Variants in ADGRF4 observed in about 807,000 individuals in gnomAD.
ADGRF4 encodes the protein adhesion G protein-coupled receptor F4.
ADGRF4 carries 63 observed loss-of-function variants against 58.5 expected under a neutral mutation model. The ratio of observed to expected loss-of-function variants is 1.08; its 90% CI spans 0.88 to 1.33. The LOEUF is 1.33. ADGRF4 is among the 40% of genes most tolerant of loss of function. The pLI is 0.00. For synonymous variants in ADGRF4, 313 were observed against 295.4 expected, an observed-to-expected ratio of 1.06 and a Z score of -0.61; for missense variants, 931 against 843.9, an observed-to-expected ratio of 1.10 and a Z score of -1.28.
At chr6:47,709,102 T>C (rs1477055106) in intron 3 of ADGRF4, among the ~76,000 whole-genome samples, 1 of 150,922 alleles carries the variant, frequency 6.6e-6, no homozygotes, top group Non-Finnish European at 1.5e-5. Context: ...CTTGGTTCCT[T>C]TTCCAGTGAA....
intron 1 of ADGRF4, among the ~76,000 whole-genome samples, chr6:47,704,140 C>T (rs1771651582): frequency 6.6e-6 from 1 of 151,828 alleles, no homozygotes; most frequent in African/African-American, 2.4e-5. Flanking sequence ...ACCTCCTCCT[C>T]CTGGGTTCAG....
intron 5 of ADGRF4, 34 bp from the exon 6 acceptor site, chr6:47,713,764 T>G: frequency 6.8e-7 from 1 of 1,466,792 alleles, no homozygotes; most frequent in Non-Finnish European, 9.1e-7. Context: ...AATGTGTAAA[T>G]CCTTAGTATA....
At chr6:47,720,759 T>C (rs1301288039) in intron 9 of ADGRF4, among the ~76,000 whole-genome samples, 1 of 152,218 alleles carries the variant, frequency 6.6e-6, no homozygotes, top group African/African-American at 2.4e-5. Context: ...GTGTCTTGCA[T>C]GTATTTGTTT....
chr6:47,720,471 A>G (rs1421886516), intron 9 of ADGRF4, among the ~76,000 whole-genome samples: 3 of 152,184 alleles, frequency 2.0e-5, no homozygotes, highest in African/African-American at 4.8e-5. Flanking sequence ...TCATATCCCA[A>G]TGATCGCAGG....
intron 1 of ADGRF4, among the ~76,000 whole-genome samples, chr6:47,701,927 A>G (rs930793728): frequency 2.0e-5 from 3 of 152,152 alleles, no homozygotes; most frequent in Non-Finnish European, 2.9e-5. Context: ...TCTGCCTCCC[A>G]GGTTCAAGCG....
At chr6:47,705,414 A>G (rs146094321) in intron 1 of ADGRF4, among the ~76,000 whole-genome samples, 2 of 152,270 alleles carry the variant, frequency 1.3e-5, no homozygotes, top group African/African-American at 2.4e-5. Flanking sequence ...ACTTCTTTCT[A>G]CCCACACTGT....
chr6:47,709,953 G>A (rs1771821287), intron 3 of ADGRF4, among the ~76,000 whole-genome samples: 1 of 152,090 alleles, frequency 6.6e-6, no homozygotes. Flanking sequence ...GCCAGAGAAG[G>A]CTGGAATGTG....
In ADGRF4 at chr6:47,714,660, T is replaced by G; in HGVS notation, c.1415T>G (p.Met472Arg). Residue 472 changes from methionine to arginine, a missense_variant, in exon 6 of 10, where the codon ATG becomes AGG. Physicochemically the swap from Met to Arg is moderately conservative, Grantham distance 91 (BLOSUM62 -1). Transcript: ENST00000283303. ...AACATTAAGGCCCAGGACTACAACA[T>G]GTGTGTTGCAGTGACATTTTTCAGC... ...HFNIKAQDYNMCVAVTFFSHF... is the reference protein window; with the variant it reads ...HFNIKAQDYNRCVAVTFFSHF... 6.2e-7 allele frequency: 1 copy of G among 1,614,210 alleles called. No individual in the cohort carries two copies. The highest frequency in any genetic ancestry group is 1.3e-5 in the African/African-American group (1 of 75,072).
chr6:47,700,368 G>T (rs1410876668), intron 1 of ADGRF4, among the ~76,000 whole-genome samples: 1 of 152,124 alleles, frequency 6.6e-6, no homozygotes, highest in Non-Finnish European at 1.5e-5. Context: ...ATTCCATCTG[G>T]CATGTTTCAG....
At chr6:47,721,110 C>A (rs1772145513) in intron 9 of ADGRF4, 99 bp from the exon 10 acceptor site, 1 of 152,188 alleles carries the variant, frequency 6.6e-6, no homozygotes, top group South Asian at 2.1e-4. Context: ...ATAGTACATG[C>A]CTCCCAGGAT....
Position 47,716,660 on chromosome 6 carries a change from G to A in ADGRF4, c.1933-146G>A. On this transcript the variant is annotated intron_variant, in intron 6 of 9. Transcript: ENST00000283303. ...GGCAGACTCAAAGGAACACCCATCA[G>A]TGCATTTTTATCTGCATTAGTGGAA... 3 of 667,662 alleles carry A rather than the reference G, an allele frequency of 4.5e-6. No individual in the cohort carries two copies. In the South Asian group the frequency reaches 5.2e-5, roughly 12 times the overall value. The allele number at this position is 667,662 out of a possible 1,614,324, so 41.4% of individuals were successfully genotyped here.
chr6:47,708,279 G>T lies in ADGRF4; in HGVS notation c.148+1G>T. On this transcript the variant is annotated splice_donor_variant, in intron 3 of 9. Transcript: ENST00000283303. LOFTEE classifies it high-confidence loss of function. ...AAACCCAAGACTGGAAGGATCCAAG[G>T]TATGTGGCTATAGAACAGTCTTCAT... 1 of 1,606,088 alleles carries T rather than the reference G, an allele frequency of 6.2e-7. No homozygotes were observed.
At chr6:47,705,891 G>C (rs753801936) in intron 1 of ADGRF4, among the ~76,000 whole-genome samples, 17 of 152,196 alleles carry the variant, frequency 1.1e-4, no homozygotes, top group South Asian at 2.1e-4. Context: ...GGTTTGACTT[G>C]TCTGTTACCC....
At position 47,710,770 on chromosome 6, in the gene ADGRF4, T is replaced by G; in HGVS notation, c.184T>G (p.Cys62Gly). ...CEGPCISSSN[C>G]SQPCAKDFHG... ...AGGACCTTGTATTTCTTCTTCCAAC[T>G]GCAGCCAGCCCTGTGCTAAGGACTT... The change falls in exon 4 of 10, where the codon TGC (cysteine) becomes GGC (glycine). Residue 62 changes from cysteine to glycine, a missense_variant. Cys to Gly is a radical substitution (Grantham distance 159). Coordinates refer to ENST00000283303, the MANE Select transcript of ADGRF4 (RefSeq NM_153838.5). 6.2e-7 allele frequency: 1 copy of G among 1,608,856 alleles called. No homozygotes were observed. The highest frequency in any genetic ancestry group is 1.7e-5 in the Admixed American group (1 of 58,676).
Position 47,713,832 on chromosome 6 carries a change from C to G in ADGRF4, c.587C>G (p.Thr196Arg), listed in dbSNP as rs761777164. The G allele has an allele frequency of 9.5e-6, 15 of 1,579,992 alleles. No homozygotes were observed. The highest frequency in any genetic ancestry group is 1.4e-5 in the African/African-American group (1 of 73,928). ...GAAGTGGCCAACCACATCCTCGACA[C>G]AGCAGCCATTTCAAACTGGGCTTTC... Reference protein sequence around the residue: ...YSEVANHILDTAAISNWAFIP... With the variant: ...YSEVANHILDRAAISNWAFIP... The change falls in exon 6 of 10, where the codon ACA becomes AGA. Residue 196 changes from threonine to arginine, a missense_variant. Coordinates refer to ENST00000283303, the MANE Select transcript of ADGRF4 (RefSeq NM_153838.5).
At position 47,707,272 on chromosome 6, in the gene ADGRF4, G is replaced by A. The variant is rs751706369; in HGVS notation, c.27G>A (p.Met9Ile). ...TGAAAATGAAGTCCCAGGCAACCAT[G>A]ATTTGCTGCTTAGTGTTCTTTCTGT... is the stretch of plus-strand genomic sequence containing the variant. MKMKSQAT[M>I]ICCLVFFLST... is the part of the protein sequence containing the mutation. Residue 9 changes from methionine to isoleucine, a missense_variant, in exon 2 of 10, where the codon ATG becomes ATA. Coordinates refer to ENST00000283303, the MANE Select transcript of ADGRF4 (RefSeq NM_153838.5). 1.2e-6 allele frequency: 2 copies of A among 1,613,242 alleles called. No individual in the cohort carries two copies. The highest frequency in any genetic ancestry group is 2.2e-5 in the East Asian group (1 of 44,872).
At chr6:47,718,843 A>C (rs1581700446) in intron 9 of ADGRF4, among the ~76,000 whole-genome samples, 1 of 152,338 alleles carries the variant, frequency 6.6e-6, no homozygotes, top group East Asian at 1.9e-4. Context: ...CTAAGGGGGT[A>C]TGGGTGGGGT....
At chr6:47,716,633 G>A (rs1772025241) in intron 6 of ADGRF4, among the ~76,000 whole-genome samples, 173 bp from the exon 7 acceptor site, 1 of 152,148 alleles carries the variant, frequency 6.6e-6, no homozygotes, top group Middle Eastern at 3.2e-3. Flanking sequence ...TCCAAGGGTG[G>A]GGGCAGACTC....
In ADGRF4 at chr6:47,699,903, T is replaced by C. The variant is rs72862130; in HGVS notation, c.-17+1109T>C. Among the ~76,000 whole-genome samples, 665 of 146,538 alleles carry C rather than the reference T, an allele frequency of 4.5e-3. 3 individuals carry two copies. The highest frequency in any genetic ancestry group is 0.014 in the African/African-American group (571 of 39,528). ...ATTAGGGGAACAACACACACACACA[T>C]ACACACACACACACACACACAGACG... is the stretch of plus-strand genomic sequence containing the variant. On this transcript the variant is annotated intron_variant, in intron 1 of 9. Coordinates refer to ENST00000283303, the MANE Select transcript of ADGRF4 (RefSeq NM_153838.5).
Sources: allele counts gnomAD v4.1 joint callset (sites outside exome capture counted in the v4.1 genomes callset), GRCh38; gene constraint gnomAD v4.1.1; transcripts MANE v1.5; gene names NCBI Gene and HGNC (gene_info 2026-07-23, HGNC 2026-07-21).